The following ETV6 variants were observed in gnomAD, a reference collection of about 807,000 sequenced individuals.
ETV6 encodes the protein ETS variant transcription factor 6, also known as transcription factor ETV6.
In ETV6, 16 loss-of-function variants were observed where a neutral mutation model predicts 51.1. That is an observed-to-expected ratio of 0.31 (90% CI 0.21 to 0.48). ETV6 has a LOEUF of 0.48. Ranked by LOEUF, ETV6 falls within the 20% of genes least tolerant of loss-of-function variation. The pLI is 0.99. For synonymous variants in ETV6, 240 were observed against 224.1 expected (o/e 1.07, Z -0.64); for missense variants, 458 against 594.8 (o/e 0.77, Z 2.39).
chr12:11,650,497 AAAAAAC>A lies in ETV6; in HGVS notation c.33+343_33+348del, dbSNP rs1565472714. Among the ~76,000 whole-genome samples, 123 of 69,106 alleles carry A rather than the reference AAAAAAC, an allele frequency of 1.8e-3. 12 individuals are homozygous for A. The highest frequency in any genetic ancestry group is 6.4e-3 in the African/African-American group (107 of 16,662). The allele number at this position is 69,106 out of a possible 152,430, so 45.3% of individuals were successfully genotyped here. On this transcript the variant is annotated intron_variant, in intron 1 of 7. Coordinates refer to ENST00000396373, the MANE Select transcript of ETV6 (RefSeq NM_001987.5). ...TAGTGCGCTTAAAAAAAAAAAAAACAAAAAACAAAAAAAAAAAACCTGCTCCCTATT... is the reference window on the plus strand; with the variant it reads ...TAGTGCGCTTAAAAAAAAAAAAAACAAAAAAAAAAAAACCTGCTCCCTATT...
intron 1 of ETV6, among the ~76,000 whole-genome samples, chr12:11,693,443 C>T (rs139554191): frequency 1.1e-3 from 169 of 152,122 alleles, no homozygotes; most frequent in Non-Finnish European, 1.7e-3. Context: ...TTAGTGTCAT[C>T]CTCTCACTCT....
Position 11,789,586 on chromosome 12 carries a change from G to C in ETV6, c.163+37007G>C, listed in dbSNP as rs185466654. On this transcript the variant is annotated intron_variant, in intron 2 of 7. Transcript: ENST00000396373. ...AATTTCCAATAGCTTCCTGAGAAAG[G>C]GTAGGGGGGAGGCAACTTTATTGAG... Among the ~76,000 whole-genome samples, 15 of 152,260 alleles carry C rather than the reference G, an allele frequency of 9.9e-5. No homozygotes were observed. In the East Asian group the frequency reaches 1.9e-3, roughly 20 times the overall value.
intron 2 of ETV6, among the ~76,000 whole-genome samples, chr12:11,837,909 T>C (rs948109143): frequency 2.0e-5 from 3 of 152,274 alleles, no homozygotes; most frequent in Non-Finnish European, 4.4e-5. Context: ...GTTATAGTTA[T>C]CTGTAGTTAC....
Position 11,697,329 on chromosome 12 carries a change from G to T in ETV6, c.33+47169G>T, listed in dbSNP as rs375983711. Among the ~76,000 whole-genome samples, 219 of 152,300 alleles carry T rather than the reference G, an allele frequency of 1.4e-3. 1 individual carries two copies. Among genetic ancestry groups the T allele is most frequent in the African/African-American group, 4.9e-3 (205 of 41,574 alleles). ...CAGAAATGCTTCCCAGTCAGAGGAG[G>T]TACTTAGCAGAGGCTGCAGGCATCT... On this transcript the variant is annotated intron_variant, in intron 1 of 7. Transcript: ENST00000396373.
At chr12:11,777,114 C>T (rs570797379) in intron 2 of ETV6, among the ~76,000 whole-genome samples, 75 of 151,984 alleles carry the variant, frequency 4.9e-4, no homozygotes, top group Non-Finnish European at 4.4e-5. Flanking sequence ...GTGGCAGGTG[C>T]CTGTAGTCCC....
intron 2 of ETV6, among the ~76,000 whole-genome samples, chr12:11,821,593 T>G (rs1007788069): frequency 6.6e-6 from 1 of 152,102 alleles, no homozygotes; most frequent in East Asian, 1.9e-4. Flanking sequence ...TCCCAGCACT[T>G]TGGGAGTCTG....
intron 1 of ETV6, among the ~76,000 whole-genome samples, chr12:11,657,956 A>G (rs972968833): frequency 1.3e-5 from 2 of 152,200 alleles, no homozygotes; most frequent in Non-Finnish European, 2.9e-5. Context: ...AGTACAGACA[A>G]TGGAGTAGAC....
At chr12:11,811,327 AG>A (rs1945909269) in intron 2 of ETV6, among the ~76,000 whole-genome samples, 3 of 152,386 alleles carry the variant, frequency 2.0e-5, no homozygotes, top group African/African-American at 7.2e-5. Flanking sequence ...GATAATTCCA[AG>A]AAGCAGTGTC....
chr12:11,751,947 A>C (rs924186024), intron 1 of ETV6: 13 of 394,046 alleles, frequency 3.3e-5, no homozygotes, highest in African/African-American at 6.3e-5. Context: ...TAAATCTAGA[A>C]CTTATCTTTG....
At chr12:11,863,072 A>G (rs1443992511) in intron 4 of ETV6, among the ~76,000 whole-genome samples, 1 of 152,178 alleles carries the variant, frequency 6.6e-6, no homozygotes, top group Non-Finnish European at 1.5e-5. Context: ...TAGGGAAAGC[A>G]CGGTGGTGGA....
At chr12:11,682,904 T>C (rs1864559616) in intron 1 of ETV6, among the ~76,000 whole-genome samples, 1 of 152,360 alleles carries the variant, frequency 6.6e-6, no homozygotes, top group East Asian at 1.9e-4. Context: ...GTGTTATTTC[T>C]GAGGCCTCTG....
chr12:11,734,229 C>T (rs1158042452), intron 1 of ETV6, among the ~76,000 whole-genome samples: 2 of 152,144 alleles, frequency 1.3e-5, no homozygotes, highest in African/African-American at 4.8e-5. Context: ...ACATGAACAT[C>T]GTATCTTTTA....
intron 1 of ETV6, among the ~76,000 whole-genome samples, chr12:11,709,324 C>A (rs916725862): frequency 6.6e-6 from 1 of 151,940 alleles, no homozygotes; most frequent in Non-Finnish European, 1.5e-5. Flanking sequence ...TTTTTGAAAG[C>A]GTTTGATCTT....
At chr12:11,712,452 A>G (rs1282412914) in intron 1 of ETV6, among the ~76,000 whole-genome samples, 2 of 152,174 alleles carry the variant, frequency 1.3e-5, no homozygotes, top group African/African-American at 4.8e-5. Context: ...GAGACCCATC[A>G]TCTCGTCGTA....
At chr12:11,682,856 G>A (rs2120752308) in intron 1 of ETV6, among the ~76,000 whole-genome samples, 1 of 152,188 alleles carries the variant, frequency 6.6e-6, no homozygotes, top group African/African-American at 2.4e-5. Context: ...GCTTGTTTTT[G>A]TCAGGTTTGT....
At chr12:11,798,600 T>A (rs1305295926) in intron 2 of ETV6, among the ~76,000 whole-genome samples, 1 of 152,164 alleles carries the variant, frequency 6.6e-6, no homozygotes, top group Non-Finnish European at 1.5e-5. Context: ...ATAAGTTACG[T>A]TAGGGCACAT....
Position 11,869,932 on chromosome 12 carries a change from G to C in ETV6, c.972G>C (p.Pro324=), listed in dbSNP as rs920032372. The change falls in exon 5 of 8, where the codon CCG becomes CCC. Residue 324 remains proline, a synonymous_variant. Coordinates refer to ENST00000396373, the MANE Select transcript of ETV6 (RefSeq NM_001987.5). This position sits in a 1 kb window ranked among gnomAD's most constrained non-coding sequence, Gnocchi z 5.0. ...ACCACATCATGGTCTCTGTCTCCCC[G>C]CCTGAAGAGCACGCCATGCCCATTG... The part of the protein sequence containing the change: ...YMNHIMVSVS[P]PEEHAMPIGR... The C allele has an allele frequency of 6.2e-7, 1 of 1,609,776 alleles. No individual in the cohort carries two copies. The highest frequency in any genetic ancestry group is 8.5e-7 in the Non-Finnish European group (1 of 1,179,782).
intron 2 of ETV6, among the ~76,000 whole-genome samples, chr12:11,760,862 T>C (rs1945073928): frequency 6.7e-6 from 1 of 148,160 alleles, no homozygotes. Flanking sequence ...TAATGATCAC[T>C]ACTATTATTA....
At chr12:11,878,949 A>G (rs1947042261) in intron 5 of ETV6, among the ~76,000 whole-genome samples, 2 of 151,764 alleles carry the variant, frequency 1.3e-5, no homozygotes, top group South Asian at 4.1e-4. Flanking sequence ...GTTGCTTACT[A>G]TATTGTAAGA....
Sources: gnomAD v4.1 joint callset for allele counts (sites outside exome capture counted in the v4.1 genomes callset) on GRCh38, gnomAD v4.1.1 for gene constraint, Gnocchi (gnomAD v3.1) non-coding constraint, MANE v1.5 for transcripts, NCBI Gene and HGNC (gene_info 2026-07-23, HGNC 2026-07-21) for gene names.